The following TFDP2 variants were observed in gnomAD, a reference collection of about 807,000 sequenced individuals.
The protein encoded by TFDP2 is transcription factor Dp-2 (E2F dimerization partner 2).
TFDP2 carries 17 observed loss-of-function variants against 59.3 expected under a neutral mutation model. The ratio of observed to expected loss-of-function variants is 0.29; its 90% confidence interval spans 0.20 to 0.43. The LOEUF is 0.43. TFDP2 is among the 20% of genes least tolerant of loss of function. The pLI is 1.00. For missense variants in TFDP2, 391 were observed against 528.8 expected, an observed-to-expected ratio of 0.74 and a Z score of 2.56; for synonymous variants, 180 against 194.7, an observed-to-expected ratio of 0.92 and a Z score of 0.63.
intron 3 of TFDP2, among the ~76,000 whole-genome samples, chr3:142,027,973 A>C (rs1242844539): frequency 6.6e-6 from 1 of 152,242 alleles, no homozygotes; most frequent in Non-Finnish European, 1.5e-5. Context: ...TTATGAGCAA[A>C]CAATGCCTAA....
chr3:141,982,961 A>G (rs1941647774), intron 6 of TFDP2, among the ~76,000 whole-genome samples: 1 of 152,220 alleles, frequency 6.6e-6, no homozygotes, highest in African/African-American at 2.4e-5. Context: ...CAGAATACAC[A>G]TCTCACAAGT....
At position 142,130,311 on chromosome 3, in the gene TFDP2, C is replaced by G. The variant is rs548543574; in HGVS notation, c.-93+18872G>C. ...ATGCTACATTGATGAACTGTGAGGA[C>G]ATTATGCAAAGTGAAATAGGCCAGT... On this transcript the variant is annotated intron_variant, in intron 1 of 12. Transcript: ENST00000489671. Among the ~76,000 whole-genome samples, 4 of 152,052 alleles carry G rather than the reference C, an allele frequency of 2.6e-5. No individual in the cohort carries two copies. In the East Asian group the frequency reaches 7.7e-4, roughly 29 times the overall value.
Position 142,043,536 on chromosome 3 carries a change from T to C in TFDP2, c.83-37992A>G, listed in dbSNP as rs1947135549. The C allele has an allele frequency of 1.3e-5, 8 of 610,510 alleles. No individual in the cohort carries two copies. In the East Asian group the frequency reaches 2.4e-4, roughly 18 times the overall value. 37.8% of individuals were successfully genotyped at this position (610,510 alleles called of 1,614,324 possible). On this transcript the variant is annotated intron_variant, in intron 3 of 12. Coordinates refer to ENST00000489671, the MANE Select transcript of TFDP2 (RefSeq NM_001178139.2). ...ATGCCACCACACTCGGCTAATTTAT[T>C]TTTACAAGCAGATAAAGGTTTCTTT...
chr3:142,061,889 T>TCTACACACAC (rs754972681), intron 3 of TFDP2, among the ~76,000 whole-genome samples: 9 of 79,956 alleles, frequency 1.1e-4, no homozygotes, highest in African/African-American at 1.7e-4. Context: ...TCTCTCTCTC[T>TCTACACACAC]ACACACACAC....
At chr3:142,140,043 T>A (rs1218080950) in intron 1 of TFDP2, among the ~76,000 whole-genome samples, 2 of 152,246 alleles carry the variant, frequency 1.3e-5, no homozygotes, top group African/African-American at 4.8e-5. Context: ...AGTCCCATAT[T>A]TCCTGGAGGC....
chr3:142,010,629 A>AAC (rs397876862), intron 3 of TFDP2, among the ~76,000 whole-genome samples: 1 of 132,082 alleles, frequency 7.6e-6, no homozygotes, highest in Non-Finnish European at 1.8e-5. Context: ...AAAAAAAAAA[A>AAC]CCTACCATCA....
At chr3:141,969,969 C>T (rs935823475) in intron 9 of TFDP2, 104 bp downstream of exon 9, 28 of 1,136,910 alleles carry the variant, frequency 2.5e-5, no homozygotes, top group Non-Finnish European at 3.7e-5. Flanking sequence ...GGCGTGGGCT[C>T]ACCACACACC....
At chr3:142,028,818 C>T in intron 3 of TFDP2, 4 of 610,532 alleles carry the variant, frequency 6.6e-6, no homozygotes, top group Non-Finnish European at 8.2e-6. Flanking sequence ...TTGAAAAGTG[C>T]AGGTCTTAGA....
At chr3:141,961,237 G>GTTTTTTTTTTTT (rs1177754086) in intron 10 of TFDP2, among the ~76,000 whole-genome samples, 39 of 84,682 alleles carry the variant, frequency 4.6e-4, no homozygotes, top group African/African-American at 9.1e-4. Context: ...GTTTTTTGTT[G>GTTTTTTTTTTTT]TTTTTTTTTT....
At chr3:142,049,899 T>C (rs76233503) in intron 3 of TFDP2, among the ~76,000 whole-genome samples, 7,306 of 151,932 alleles carry the variant, frequency 0.048, 587 homozygotes, top group African/African-American at 0.17. Context: ...TGTACAAGAG[T>C]TATACAATGG....
chr3:141,978,128 T>A (rs1940986241), intron 7 of TFDP2, among the ~76,000 whole-genome samples: 1 of 151,770 alleles, frequency 6.6e-6, no homozygotes, highest in African/African-American at 2.4e-5. Context: ...GTGGATCACC[T>A]GAGGTCAGGA....
At chr3:142,118,415 G>GT (rs1268227710) in intron 1 of TFDP2, among the ~76,000 whole-genome samples, 2 of 152,286 alleles carry the variant, frequency 1.3e-5, no homozygotes, top group African/African-American at 2.4e-5. Context: ...AAAAACAACT[G>GT]TAACACAATC....
intron 3 of TFDP2, among the ~76,000 whole-genome samples, chr3:142,058,685 G>C (rs1244786710): frequency 5.9e-5 from 9 of 152,150 alleles, no homozygotes; most frequent in Non-Finnish European, 2.9e-5. Flanking sequence ...ACGTAAGACA[G>C]GGCAATGGGG....
rs534459723 is a variant in TFDP2 at position 142,029,043 on chromosome 3, C to T, written c.83-23499G>A. The stretch of plus-strand genomic sequence containing the variant: ...CTTAAAAAATAAGATTAAACTTACT[C>T]GTGAAACCTGCATAATTTGAATTAT... On this transcript the variant is annotated intron_variant, in intron 3 of 12. Transcript: ENST00000489671. 3.9e-5 allele frequency: 6 copies of T among 152,606 alleles called. No individual in the cohort carries two copies. The East Asian group carries it at 5.8e-4, about 15-fold the overall frequency. The allele number at this position is 152,606 out of a possible 1,614,324, so 9.5% of individuals were successfully genotyped here.
In TFDP2 at chr3:141,948,213, A is replaced by AT. The variant is rs1935465956; in HGVS notation, c.*4299dup. ...TTTGTTAGGGGAGGGAGCTTGATAG[A>AT]TATTAAAGGGCCCTTGAAAGGAAAT... On this transcript the variant is annotated 3_prime_UTR_variant, in exon 13 of 13. Transcript: ENST00000489671. 6.6e-6 allele frequency: 1 copy of AT among 152,188 alleles called. No individual in the cohort carries two copies. Among genetic ancestry groups the AT allele is most frequent in the Admixed American group, 6.6e-5 (1 of 15,260 alleles). The allele number at this position is 152,188 out of a possible 1,614,324, so 9.4% of individuals were successfully genotyped here. A position where few individuals can be genotyped will look rare whatever the true frequency, so the allele number is the denominator to read the frequency against.
At chr3:142,141,143 G>C (rs533251764) in intron 1 of TFDP2, among the ~76,000 whole-genome samples, 2 of 152,344 alleles carry the variant, frequency 1.3e-5, no homozygotes, top group South Asian at 2.1e-4. Context: ...CTAGCAGTGA[G>C]CAAGGCTCCA....
intron 3 of TFDP2, among the ~76,000 whole-genome samples, chr3:142,018,696 C>T (rs924883108): frequency 1.3e-5 from 2 of 152,102 alleles, no homozygotes; most frequent in South Asian, 2.1e-4. Context: ...CCTCCCACCT[C>T]GGCCTCCCAA....
intron 3 of TFDP2, among the ~76,000 whole-genome samples, chr3:142,021,112 G>C (rs756156618): frequency 1.3e-5 from 2 of 152,142 alleles, no homozygotes; most frequent in Non-Finnish European, 2.9e-5. Context: ...AAGTCACTAA[G>C]ATTAAATACA....
At chr3:142,063,941 GT>G (rs1365770401) in intron 3 of TFDP2, among the ~76,000 whole-genome samples, 1 of 151,956 alleles carries the variant, frequency 6.6e-6, no homozygotes, top group African/African-American at 2.4e-5. Flanking sequence ...TATACCAGTA[GT>G]TTTTTGGTTT....
Sources: gnomAD v4.1 joint callset for allele counts (sites outside exome capture counted in the v4.1 genomes callset) on GRCh38, gnomAD v4.1.1 for gene constraint, MANE v1.5 for transcripts, NCBI Gene and HGNC (gene_info 2026-07-23, HGNC 2026-07-21) for gene names.